GTF3A: variants seen among roughly 807,000 people sequenced by gnomAD.
The protein encoded by GTF3A is general transcription factor IIIA, also known as transcription factor IIIA.
Under a neutral mutation model 37.6 loss-of-function variants are expected in GTF3A, and 40 were observed. The ratio of observed to expected loss-of-function variants is 1.06; its 90% CI spans 0.83 to 1.38. The LOEUF (loss-of-function observed/expected upper bound fraction) is 1.38, where lower values mean the gene tolerates loss of function less well. Ranked by LOEUF, GTF3A falls within the 40% of genes most tolerant of loss-of-function variation. The pLI is 0.00. For synonymous variants in GTF3A, 191 were observed against 166.7 expected (o/e 1.15, Z -1.12); for missense variants, 500 against 462.6 (o/e 1.08, Z -0.74).
chr13:27,431,318 A>G (rs1260706043), intron 4 of GTF3A, among the ~76,000 whole-genome samples: 9 of 152,244 alleles, frequency 5.9e-5, no homozygotes, highest in Non-Finnish European at 8.8e-5. Context: ...AAGTCACTAT[A>G]TGAAAAAGAC....
In GTF3A at chr13:27,432,737, C is replaced by G. The variant is rs769026198; in HGVS notation, c.495C>G (p.Thr165=). The G allele has an allele frequency of 1.2e-6, 2 of 1,603,964 alleles. No homozygotes were observed. The highest frequency in any genetic ancestry group is 1.1e-5 in the South Asian group (1 of 89,012). Residue 165 remains threonine (T), a synonymous_variant, in exon 5 of 9, where the codon ACC becomes ACG. Transcript: ENST00000381140. ...TCATGTGTTGCCAATGCAGGTGTAC[C>G]CAGGAAGGATGTGGGAAACACTTTG... is the stretch of plus-strand genomic sequence containing the variant.
chr13:27,433,513 T>TAA (rs1953676718), intron 5 of GTF3A, among the ~76,000 whole-genome samples: 2 of 93,846 alleles, frequency 2.1e-5, no homozygotes, highest in Non-Finnish European at 4.6e-5. Context: ...CTGTACTCTT[T>TAA]TAAAAAAAAA....
Position 27,435,150 on chromosome 13 carries a change from T to G in GTF3A, c.891T>G (p.His297Gln). The change falls in exon 8 of 9, where the codon CAT becomes CAG. Residue 297 changes from histidine (H) to glutamine (Q), a missense_variant. By Grantham distance (24) the His-to-Gln change is conservative (BLOSUM62 0). Transcript: ENST00000381140. ...CATTGTAGCAAAGTCTCACTAGGCA[T>G]GCTGTTGTACATGATCCTGACAAGA... 6.2e-7 allele frequency: 1 copy of G among 1,610,222 alleles called. No individual in the cohort carries two copies. Among genetic ancestry groups the G allele is most frequent in the Non-Finnish European group, 8.5e-7 (1 of 1,178,174 alleles).
chr13:27,429,921 G>T lies in GTF3A; in HGVS notation c.354G>T (p.Lys118Asn). ...AATTCAACACAAAATCAAACTTGAA[G>T]AAACATTTTGAACGCAAACATGAAA... The change falls in exon 3 of 9, where the codon AAG (lysine) becomes AAT (asparagine). Residue 118 changes from lysine to asparagine, a missense_variant. By Grantham distance (94) the Lys-to-Asn change is moderately conservative. Coordinates refer to ENST00000381140, the MANE Select transcript of GTF3A (RefSeq NM_002097.3). 5 of 1,538,262 alleles carry T rather than the reference G, an allele frequency of 3.3e-6. No homozygotes were observed. In the South Asian group the frequency reaches 6.2e-5, roughly 19 times the overall value.
intron 6 of GTF3A, 69 bp downstream of exon 6, chr13:27,434,288 A>G (rs1953687666): frequency 9.0e-6 from 7 of 779,048 alleles, no homozygotes; most frequent in South Asian, 4.1e-5. Flanking sequence ...AGTGCTTTTC[A>G]AGAGTGAAAT....
rs934772195 is a variant in GTF3A, at chr13:27,429,867, C to G, written c.303-3C>G. 2.7e-6 allele frequency: 4 copies of G among 1,498,632 alleles called. No homozygotes were observed. Among genetic ancestry groups the G allele is most frequent in the South Asian group, 1.3e-5 (1 of 76,600 alleles). 92.8% of individuals were successfully genotyped at this position (1,498,632 alleles called of 1,614,324 possible). A position where few individuals can be genotyped will look rare whatever the true frequency, so the allele number is the denominator to read the frequency against. ...ATATTTTGGTTTATATAACTTCTTA[C>G]AGTTGTGCAGCCAATGGCTGTGATC... is the stretch of plus-strand genomic sequence containing the variant. On this transcript the variant is annotated splice_region_variant and splice_polypyrimidine_tract_variant and intron_variant, in intron 2 of 8. Coordinates refer to ENST00000381140, the MANE Select transcript of GTF3A (RefSeq NM_002097.3).
Position 27,434,998 on chromosome 13 carries a change from T to C in GTF3A, c.837T>C (p.Cys279=). The change falls in exon 7 of 9, where the codon TGT becomes TGC. Residue 279 remains cysteine (C), a synonymous_variant. Transcript: ENST00000381140. ...ATGAGGAAAGCCGCCCTTTTGTGTG[T>C]GAACATGCTGGCTGTGGCAAAACAT... 6.2e-7 allele frequency: 1 copy of C among 1,610,528 alleles called. No homozygotes were observed. Among genetic ancestry groups the C allele is most frequent in the Non-Finnish European group, 8.5e-7 (1 of 1,176,724 alleles).
chr13:27,424,833 G>A lies in GTF3A; in HGVS notation c.96G>A (p.Pro32=), dbSNP rs1479186925. The change falls in exon 1 of 9, where the codon CCG becomes CCA. Residue 32 remains proline, a synonymous_variant. Coordinates refer to ENST00000381140, the MANE Select transcript of GTF3A (RefSeq NM_002097.3). ...GCGAGAGCTCAGCTCCGACCCCGCC[G>A]CGCCCCGCGCTTCCCAGGAGGTTCA... 6.4e-7 allele frequency: 1 copy of A among 1,550,768 alleles called. No homozygotes were observed. Among genetic ancestry groups the A allele is most frequent in the South Asian group, 1.2e-5 (1 of 83,808 alleles).
chr13:27,429,220 T>C (rs1019981907), intron 2 of GTF3A: 4 of 146,310 alleles, frequency 2.7e-5, no homozygotes, highest in South Asian at 2.2e-4. Flanking sequence ...ATGGCTAAGA[T>C]TGAGCCTGGG....
At position 27,434,222 on chromosome 13, in the gene GTF3A, AAGGC is replaced by A; in HGVS notation, c.643+9_643+12del. 1 of 1,145,440 alleles carries A rather than the reference AAGGC, an allele frequency of 8.7e-7. No homozygotes were observed. Among genetic ancestry groups the A allele is most frequent in the Non-Finnish European group, 1.3e-6 (1 of 751,650 alleles). The allele number at this position is 1,145,440 out of a possible 1,614,324, so 71.0% of individuals were successfully genotyped here. On this transcript the variant is annotated splice_donor_5th_base_variant and intron_variant, in intron 6 of 8. Transcript: ENST00000381140. The stretch of plus-strand genomic sequence containing the variant: ...ACATGTGAGAGAAACCCATAAAGGT[AAGGC>A]AGGCATGAATGGCAGGCATGGTGTA...
Position 27,434,946 on chromosome 13 carries a change from A to T in GTF3A, c.785A>T (p.Asn262Ile), listed in dbSNP as rs1953695980. 6.2e-7 allele frequency: 1 copy of T among 1,611,324 alleles called. No homozygotes were observed. Among genetic ancestry groups the T allele is most frequent in the Non-Finnish European group, 8.5e-7 (1 of 1,177,440 alleles). ...GGAAGAACCTATACAACTGTGTTTA[A>T]TCTCCAAAGCCATATCCTCTCCTTC... Residue 262 changes from asparagine (N) to isoleucine (I), a missense_variant, in exon 7 of 9, where the codon AAT becomes ATT. Coordinates refer to ENST00000381140, the MANE Select transcript of GTF3A (RefSeq NM_002097.3).
chr13:27,435,065 A>T, intron 7 of GTF3A, 31 bp downstream of exon 7: 1 of 1,539,208 alleles, frequency 6.5e-7, no homozygotes, highest in Non-Finnish European at 9.0e-7. Flanking sequence ...TCATGGTCCT[A>T]TAGTCTATGC....
Position 27,435,470 on chromosome 13 carries a change from A to T in GTF3A, c.971A>T (p.His324Leu), listed in dbSNP as rs1224197478. 5 of 1,613,402 alleles carry T rather than the reference A, an allele frequency of 3.1e-6. No individual in the cohort carries two copies. Among genetic ancestry groups the T allele is most frequent in the Admixed American group, 1.7e-5 (1 of 59,894 alleles). ...CGTGAAAAACGGAGTTTGGCCTCTC[A>T]TCTCAGTGGATATATCCCTCCCAAA... The change falls in exon 9 of 9, where the codon CAT becomes CTT. Residue 324 changes from histidine to leucine, a missense_variant. By Grantham distance (99) the His-to-Leu change is moderately conservative (BLOSUM62 -3). Transcript: ENST00000381140.
intron 3 of GTF3A, 45 bp downstream of exon 3, chr13:27,430,011 C>A: frequency 2.0e-6 from 2 of 1,018,066 alleles, no homozygotes; most frequent in Non-Finnish European, 2.9e-6. Flanking sequence ...TATTTTTACA[C>A]TTACTGCCTA....
intron 2 of GTF3A, among the ~76,000 whole-genome samples, chr13:27,428,249 G>A (rs1190160433): frequency 6.6e-6 from 1 of 152,148 alleles, no homozygotes; most frequent in Non-Finnish European, 1.5e-5. Flanking sequence ...CAAAGATAAG[G>A]CAGCTCCCTG....
rs955374384 is a variant in GTF3A at position 27,427,309 on chromosome 13, G to T, written c.302+117G>T. The T allele has an allele frequency of 4.6e-6, 3 of 658,990 alleles. No homozygotes were observed. The African/African-American group carries it at 5.4e-5, about 12-fold the overall frequency. The allele number at this position is 658,990 out of a possible 1,614,324, so 40.8% of individuals were successfully genotyped here. A position where few individuals can be genotyped will look rare whatever the true frequency, so the allele number is the denominator to read the frequency against. ...AATGTGAAGCCTGGCAGGGCTCGGT[G>T]GCTCATGCCTGTAATCCCAGCACTT... On this transcript the variant is annotated intron_variant, in intron 2 of 8. Coordinates refer to ENST00000381140, the MANE Select transcript of GTF3A (RefSeq NM_002097.3).
At chr13:27,432,670 A>C (rs1162171284) in intron 4 of GTF3A, 61 bp from the exon 5 acceptor site, 1 of 1,353,278 alleles carries the variant, frequency 7.4e-7, no homozygotes, top group Non-Finnish European at 1.0e-6. Flanking sequence ...AGTGCCATTG[A>C]CCTTGAGCGG....
In GTF3A at chr13:27,435,013, T is replaced by C; in HGVS notation, c.852T>C (p.Cys284=). Residue 284 remains cysteine, a synonymous_variant, in exon 7 of 9, where the codon TGT becomes TGC. Transcript: ENST00000381140. ...CTTTTGTGTGTGAACATGCTGGCTG[T>C]GGCAAAACATTTGCAATGAAAGTAA... 1 of 1,604,806 alleles carries C rather than the reference T, an allele frequency of 6.2e-7. No individual in the cohort carries two copies. The highest frequency in any genetic ancestry group is 8.5e-7 in the Non-Finnish European group (1 of 1,171,520).
At chr13:27,427,272 C>G in intron 2 of GTF3A, 80 bp downstream of exon 2, 1 of 738,962 alleles carries the variant, frequency 1.4e-6, no homozygotes, top group Non-Finnish European at 2.5e-6. Flanking sequence ...GATGTTAACT[C>G]ACGAGATCAG....
Sources: allele counts gnomAD v4.1 joint callset (sites outside exome capture counted in the v4.1 genomes callset), GRCh38; gene constraint gnomAD v4.1.1; transcripts MANE v1.5; gene names NCBI Gene and HGNC (gene_info 2026-07-23, HGNC 2026-07-21).